The following UVSSA variants were observed in gnomAD, a reference collection of about 807,000 sequenced individuals.
UVSSA encodes UV stimulated scaffold protein A.
UVSSA carries 72 observed loss-of-function variants against 73.9 expected under a neutral mutation model. The ratio of observed to expected loss-of-function variants is 0.97; its 90% CI spans 0.81 to 1.19. The LOEUF (loss-of-function observed/expected upper bound fraction) is 1.19, where lower values mean the gene tolerates loss of function less well. Ranked by LOEUF, UVSSA falls within the 50% of genes most tolerant of loss-of-function variation. The pLI, the probability that UVSSA is intolerant of heterozygous loss-of-function variation, is 0.00. For missense variants in UVSSA, 1,150 were observed against 965.0 expected (o/e 1.19, Z -2.54); for synonymous variants, 454 against 391.3 (o/e 1.16, Z -1.89).
rs1193471341 is a variant in UVSSA, at chr4:1,383,833, G to A, written c.1929G>A (p.Arg643=). Residue 643 remains arginine, a synonymous_variant, in exon 13 of 14, where the codon AGG becomes AGA. Transcript: ENST00000389851. ...AATGQDLGSS[R]YSGKGRGKKR... The stretch of plus-strand genomic sequence containing the variant: ...CAGGGCAGGATCTCGGCTCATCCAG[G>A]TACAGCGGGAAAGGCAGGGGGAAGA... 1.2e-5 allele frequency: 19 copies of A among 1,613,382 alleles called. No individual in the cohort carries two copies. Among genetic ancestry groups the A allele is most frequent in the African/African-American group, 1.3e-5 (1 of 74,922 alleles).
intron 8 of UVSSA, among the ~76,000 whole-genome samples, chr4:1,367,057 G>A (rs565859457): frequency 6.6e-5 from 10 of 152,182 alleles, no homozygotes; most frequent in Non-Finnish European, 1.3e-4. Context: ...CACAGGCATC[G>A]CTCCTCACCG....
intron 7 of UVSSA, among the ~76,000 whole-genome samples, chr4:1,364,959 C>T (rs983452775): frequency 2.0e-5 from 3 of 152,140 alleles, no homozygotes; most frequent in Admixed American, 6.5e-5. Flanking sequence ...AAGGATGGTG[C>T]GCCCTGGGGG....
chr4:1,349,516 AT>A lies in UVSSA; in HGVS notation c.99-7del, dbSNP rs1714338226. 3 of 1,610,234 alleles carry A rather than the reference AT, an allele frequency of 1.9e-6. No individual in the cohort carries two copies. Among genetic ancestry groups the A allele is most frequent in the Non-Finnish European group, 2.5e-6 (3 of 1,177,996 alleles). On this transcript the variant is annotated splice_region_variant and splice_polypyrimidine_tract_variant and intron_variant, in intron 2 of 13. Coordinates refer to ENST00000389851, the MANE Select transcript of UVSSA (RefSeq NM_020894.4). ...GGGCAGTTGGGTCAGGCCAGCTCGC[AT>A]CCCCAGGTCTTCAGAGGAGCAGCTG...
intron 5 of UVSSA, among the ~76,000 whole-genome samples, chr4:1,353,988 C>CG (rs1342560395): frequency 6.6e-6 from 1 of 152,266 alleles, no homozygotes; most frequent in African/African-American, 2.4e-5. Flanking sequence ...TGCTGCCCCC[C>CG]TGGGGTGTGA....
rs1380064496 is a variant in UVSSA at position 1,361,229 on chromosome 4, C to T, written c.1177-5091C>T. ...CCCCCAGGCCTGTGGTGCTGTGGTC[C>T]TGGCCCCTGCAGCTGGGACTCCAGG... On this transcript the variant is annotated intron_variant, in intron 7 of 13. Transcript: ENST00000389851. Among the ~76,000 whole-genome samples, 3 of 152,350 alleles carry T rather than the reference C, an allele frequency of 2.0e-5. No individual in the cohort carries two copies. The East Asian group carries it at 5.8e-4, about 29-fold the overall frequency.
intron 9 of UVSSA, 86 bp downstream of exon 9, chr4:1,375,594 G>A (rs1056275621): frequency 6.6e-6 from 10 of 1,526,434 alleles, no homozygotes; most frequent in African/African-American, 4.1e-5. Context: ...TCGAGAGGCT[G>A]CTTAGTGCCT....
chr4:1,365,795 T>A (rs927708535), intron 7 of UVSSA, among the ~76,000 whole-genome samples: 3 of 152,090 alleles, frequency 2.0e-5, no homozygotes, highest in Non-Finnish European at 2.9e-5. Flanking sequence ...GGTGGGAAGA[T>A]AACTCACCTA....
intron 12 of UVSSA, among the ~76,000 whole-genome samples, chr4:1,383,253 A>G (rs1287773081): frequency 6.6e-6 from 1 of 152,246 alleles, no homozygotes; most frequent in Non-Finnish European, 1.5e-5. Flanking sequence ...AACGAAAAAG[A>G]AAAGCCCTTT....
At chr4:1,360,553 C>G (rs1716478756) in intron 7 of UVSSA, among the ~76,000 whole-genome samples, 1 of 152,216 alleles carries the variant, frequency 6.6e-6, no homozygotes, top group Non-Finnish European at 1.5e-5. Flanking sequence ...CAAACCCGTG[C>G]TATGGCCGCG....
chr4:1,371,248 G>T (rs1717994099), intron 8 of UVSSA, among the ~76,000 whole-genome samples: 2 of 138,648 alleles, frequency 1.4e-5, no homozygotes, highest in South Asian at 4.7e-4. Flanking sequence ...GTACGTCTGT[G>T]GGTGGACCTG....
At chr4:1,346,777 C>T (rs1458307007), upstream of UVSSA, among the ~76,000 whole-genome samples, 1 of 152,046 alleles carries the variant, frequency 6.6e-6, no homozygotes, top group African/African-American at 2.4e-5. Context: ...AGGCCCAGAC[C>T]GGAACTTCCT....
Position 1,349,830 on chromosome 4 carries a change from C to T in UVSSA, c.405C>T (p.Tyr135=). The T allele has an allele frequency of 1.3e-6, 2 of 1,573,192 alleles. No individual in the cohort carries two copies. The highest frequency in any genetic ancestry group is 1.7e-6 in the Non-Finnish European group (2 of 1,159,702). The change falls in exon 3 of 14, where the codon TAC becomes TAT. Residue 135 remains tyrosine, a synonymous_variant. Coordinates refer to ENST00000389851, the MANE Select transcript of UVSSA (RefSeq NM_020894.4). ...GEAYKKLALG[Y]HFLRHNKKVD... ...CCTACAAGAAGCTTGCCTTGGGCTA[C>T]CACTTCTTAAGACACAACAAAAAGG...
intron 10 of UVSSA, among the ~76,000 whole-genome samples, chr4:1,378,579 G>A (rs764883472): frequency 1.3e-5 from 2 of 152,130 alleles, no homozygotes; most frequent in Non-Finnish European, 2.9e-5. Context: ...GTCCTCGGCC[G>A]AGGGGAGTAG....
Position 1,348,183 on chromosome 4 carries a change from T to C in UVSSA, c.92T>C (p.Ile31Thr), listed in dbSNP as rs766301747. ...NPEKMKELKK[I>T]CKSSEEQLSR... is the part of the protein sequence containing the mutation. ...GAGAAAATGAAGGAACTGAAGAAAATTTGCAAGTATGTCTTAGGGTTCAGT... is the reference window on the plus strand; with the variant it reads ...GAGAAAATGAAGGAACTGAAGAAAACTTGCAAGTATGTCTTAGGGTTCAGT... The change falls in exon 2 of 14, where the codon ATT becomes ACT. Residue 31 changes from isoleucine (I) to threonine (T), a missense_variant. Ile to Thr is a moderately conservative substitution (Grantham distance 89). Coordinates refer to ENST00000389851, the MANE Select transcript of UVSSA (RefSeq NM_020894.4). 2.5e-6 allele frequency: 4 copies of C among 1,612,924 alleles called. No individual in the cohort carries two copies. The highest frequency in any genetic ancestry group is 3.4e-6 in the Non-Finnish European group (4 of 1,179,430).
chr4:1,368,930 C>T (rs528519555), intron 8 of UVSSA, among the ~76,000 whole-genome samples: 14 of 152,346 alleles, frequency 9.2e-5, no homozygotes, highest in South Asian at 2.1e-4. Context: ...CACTGCATGG[C>T]GCCTGCCCCT....
At chr4:1,343,716 G>T (rs1713511147), upstream of UVSSA, among the ~76,000 whole-genome samples, 1 of 152,100 alleles carries the variant, frequency 6.6e-6, no homozygotes, top group Admixed American at 6.6e-5. Context: ...GAACCCAGAG[G>T]GCAGAGGTTG....
chr4:1,368,049 A>G (rs1162276328), intron 8 of UVSSA, among the ~76,000 whole-genome samples: 1 of 152,250 alleles, frequency 6.6e-6, no homozygotes, highest in Non-Finnish European at 1.5e-5. Context: ...CCCCCGGAGC[A>G]TGGTGGAAGC....
intron 2 of UVSSA, among the ~76,000 whole-genome samples, chr4:1,349,178 C>G (rs1351556346): frequency 6.7e-6 from 1 of 149,424 alleles, no homozygotes; most frequent in East Asian, 1.9e-4. Flanking sequence ...CAGTTGTGAA[C>G]ACAGCTGTAG....
intron 13 of UVSSA, 102 bp downstream of exon 13, chr4:1,384,042 C>A: frequency 7.3e-7 from 1 of 1,363,350 alleles, no homozygotes; most frequent in Non-Finnish European, 9.7e-7. Flanking sequence ...GACTTGGGGC[C>A]TCCAGGGGCT....
Sources: gnomAD v4.1 joint callset for allele counts (sites outside exome capture counted in the v4.1 genomes callset) on GRCh38, gnomAD v4.1.1 for gene constraint, MANE v1.5 for transcripts, NCBI Gene and HGNC (gene_info 2026-07-23, HGNC 2026-07-21) for gene names.